Variants in CBL observed in about 807,000 individuals in gnomAD.
The protein encoded by CBL is Cbl proto-oncogene, also known as E3 ubiquitin-protein ligase CBL.
A neutral mutation model predicts 96.9 loss-of-function variants in CBL; 45 were observed. That is an observed-to-expected ratio of 0.46 (90% CI 0.37 to 0.60). CBL has a LOEUF of 0.60. Among genes scored for constraint, CBL ranks in the 20% least tolerant of loss-of-function variants. The probability of loss-of-function intolerance (pLI) is 0.00; values close to 1 mark genes in which losing one functional copy is unlikely to be tolerated. For synonymous variants in CBL, 420 were observed against 426.8 expected, an observed-to-expected ratio of 0.98 and a Z score of 0.20; for missense variants, 1,024 against 1,143.5, an observed-to-expected ratio of 0.90 and a Z score of 1.51.
intron 12 of CBL, among the ~76,000 whole-genome samples, chr11:119,294,881 A>G (rs1950053566): frequency 6.6e-6 from 1 of 152,226 alleles, no homozygotes; most frequent in Non-Finnish European, 1.5e-5. Context: ...AATAGTTAGC[A>G]ATTTGATACA....
intron 2 of CBL, among the ~76,000 whole-genome samples, chr11:119,239,534 C>T (rs1438012129): frequency 6.6e-6 from 1 of 152,184 alleles, no homozygotes; most frequent in Non-Finnish European, 1.5e-5. Flanking sequence ...GATCATGTCA[C>T]ATGCAATTAG....
rs1252153928 is a variant in CBL, at chr11:119,263,855, C to G, written c.444-7880C>G. On this transcript the variant is annotated intron_variant, in intron 2 of 15. Transcript: ENST00000264033. ...CTCACTCAGCATTCTTTAGATGACACTAGTGTTTGGATATAAGGTTTCTGG... is the reference window on the plus strand; with the variant it reads ...CTCACTCAGCATTCTTTAGATGACAGTAGTGTTTGGATATAAGGTTTCTGG... Among the ~76,000 whole-genome samples the G allele has an allele frequency of 2.6e-5, 4 of 152,156 alleles. No individual in the cohort carries two copies. In the East Asian group the frequency reaches 7.7e-4, roughly 29 times the overall value.
intron 4 of CBL, 140 bp downstream of exon 4, chr11:119,274,164 A>G (rs1015688042): frequency 9.0e-5 from 63 of 697,586 alleles, no homozygotes; most frequent in Non-Finnish European, 1.3e-4. Context: ...TATGCCAAAA[A>G]AAAGATTAAA....
intron 2 of CBL, among the ~76,000 whole-genome samples, chr11:119,243,504 C>CA (rs34286258): frequency 1.2e-3 from 139 of 115,152 alleles, no homozygotes; most frequent in African/African-American, 4.1e-3. Context: ...GACCCCGTCT[C>CA]AAAAAAAAAA....
intron 2 of CBL, among the ~76,000 whole-genome samples, chr11:119,243,728 A>C (rs1463735362): frequency 6.6e-6 from 1 of 152,030 alleles, no homozygotes; most frequent in Non-Finnish European, 1.5e-5. Context: ...ATTGATCAAA[A>C]AACTTTTTTT....
At chr11:119,256,147 G>A (rs1026642532) in intron 2 of CBL, among the ~76,000 whole-genome samples, 4 of 151,218 alleles carry the variant, frequency 2.6e-5, no homozygotes, top group African/African-American at 4.9e-5. Context: ...TTGCAGTAAC[G>A]TCTATATGTT....
chr11:119,223,533 A>C (rs1196180910), intron 1 of CBL, among the ~76,000 whole-genome samples: 1 of 150,694 alleles, frequency 6.6e-6, no homozygotes, highest in Non-Finnish European at 1.5e-5. Context: ...AGGTTCAAGC[A>C]ATTCTCCTGT....
chr11:119,281,978 T>C (rs934136821), intron 9 of CBL, among the ~76,000 whole-genome samples: 1 of 152,246 alleles, frequency 6.6e-6, no homozygotes, highest in African/African-American at 2.4e-5. Flanking sequence ...ATTTCTCTGA[T>C]CACTTATTTT....
chr11:119,248,747 G>A (rs1359557330), intron 2 of CBL, among the ~76,000 whole-genome samples: 2 of 152,158 alleles, frequency 1.3e-5, no homozygotes, highest in African/African-American at 4.8e-5. Flanking sequence ...TATTTGATAA[G>A]GGATCAACAT....
intron 2 of CBL, among the ~76,000 whole-genome samples, chr11:119,270,784 T>A (rs1307089939): frequency 6.6e-6 from 1 of 152,202 alleles, no homozygotes; most frequent in Non-Finnish European, 1.5e-5. Flanking sequence ...TTTCGCCACG[T>A]TGGCCAGGCT....
intron 1 of CBL, among the ~76,000 whole-genome samples, chr11:119,225,679 G>A (rs1949452607): frequency 6.6e-6 from 1 of 151,046 alleles, no homozygotes; most frequent in Non-Finnish European, 1.5e-5. Flanking sequence ...CAAGGTTCTG[G>A]GATTACAGAT....
In CBL at chr11:119,300,095, T is replaced by G; in HGVS notation, c.*314T>G. ...GAAAGCTATAGAACAAGTATTTTGC[T>G]GGAAATCCTAATTGAGGACTTAAGA... On this transcript the variant is annotated 3_prime_UTR_variant, in exon 16 of 16. Coordinates refer to ENST00000264033, the MANE Select transcript of CBL (RefSeq NM_005188.4). 1 of 551,992 alleles carries G rather than the reference T, an allele frequency of 1.8e-6. No homozygotes were observed. The highest frequency in any genetic ancestry group is 3.2e-5 in the Admixed American group (1 of 31,604). The allele number at this position is 551,992 out of a possible 1,614,324, so 34.2% of individuals were successfully genotyped here.
intron 9 of CBL, among the ~76,000 whole-genome samples, chr11:119,283,621 C>CTTTTTTTTTTTTTTTT (rs1410071154): frequency 2.7e-5 from 1 of 36,494 alleles, no homozygotes; most frequent in African/African-American, 8.5e-5. Context: ...CTTTTTAATT[C>CTTTTTTTTTTTTTTTT]TTTCTTTTTT....
chr11:119,258,912 C>T (rs1409869502), intron 2 of CBL, among the ~76,000 whole-genome samples: 1 of 152,146 alleles, frequency 6.6e-6, no homozygotes, highest in South Asian at 2.1e-4. Flanking sequence ...TCCCTGAGCA[C>T]GAGATGTGTT....
At chr11:119,234,305 C>T (rs1949526156) in intron 2 of CBL, among the ~76,000 whole-genome samples, 1 of 152,156 alleles carries the variant, frequency 6.6e-6, no homozygotes, top group Non-Finnish European at 1.5e-5. Context: ...TTCAGCTGGC[C>T]TGTCCATCTT....
In CBL at chr11:119,306,548, C is replaced by G. The variant is rs539341635; in HGVS notation, c.*6767C>G. ...CCCTGAAGCAGGGTGTCCTGGGTGC[C>G]TGTGTGTCAGCTCCCTCCTCTCTAC... On this transcript the variant is annotated 3_prime_UTR_variant, in exon 16 of 16. Transcript: ENST00000264033. The G allele has an allele frequency of 4.8e-4, 188 of 395,378 alleles. 1 individual carries two copies. The Middle Eastern group carries it at 5.7e-3, about 12-fold the overall frequency. 24.5% of individuals were successfully genotyped at this position (395,378 alleles called of 1,614,324 possible).
chr11:119,219,377 A>C (rs1283745511), intron 1 of CBL, among the ~76,000 whole-genome samples: 1 of 69,654 alleles, frequency 1.4e-5, no homozygotes, highest in Non-Finnish European at 3.4e-5. Flanking sequence ...ACTCTGTCTC[A>C]AAAAAAAAAA....
At position 119,278,601 on chromosome 11, in the gene CBL, G is replaced by T. The variant is rs757570929; in HGVS notation, c.1319G>T (p.Gly440Val). 17 of 1,613,866 alleles carry T rather than the reference G, an allele frequency of 1.1e-5. No individual in the cohort carries two copies. The South Asian group carries it at 1.8e-4, about 17-fold the overall frequency. Residue 440 changes from glycine (G) to valine (V), a missense_variant, in exon 9 of 16, where the codon GGC becomes GTC. Gly to Val is a moderately radical substitution (Grantham distance 109). Transcript: ENST00000264033. ...VVDPFDPRGS[G>V]SLLRQGAEGA... ...GATCCGTTTGATCCTAGAGGGAGTG[G>T]CAGCCTGTTGAGGCAAGGAGCAGAG...
intron 2 of CBL, among the ~76,000 whole-genome samples, chr11:119,270,122 A>G (rs7946919): frequency 0.28 from 42,005 of 151,996 alleles, 6,257 homozygotes; most frequent in South Asian, 0.58. Flanking sequence ...AATAGTATCT[A>G]TATCATCTGT....
Sources: gnomAD v4.1 joint callset for allele counts (sites outside exome capture counted in the v4.1 genomes callset) on GRCh38, gnomAD v4.1.1 for gene constraint, MANE v1.5 for transcripts, NCBI Gene and HGNC (gene_info 2026-07-23, HGNC 2026-07-21) for gene names.